The following DIO2 variants were observed in gnomAD, a reference collection of about 807,000 sequenced individuals.
The protein encoded by DIO2 is type II iodothyronine deiodinase.
Under a neutral mutation model 21.4 loss-of-function variants are expected in DIO2, and 19 were observed. The ratio of observed to expected loss-of-function variants is 0.89; its 90% CI spans 0.62 to 1.30. The LOEUF (loss-of-function observed/expected upper bound fraction) is 1.30, where lower values mean the gene tolerates loss of function less well. DIO2 is among the 50% of genes most tolerant of loss of function. The probability of loss-of-function intolerance (pLI) is 0.00; values close to 1 mark genes in which losing one functional copy is unlikely to be tolerated. For missense variants in DIO2, 302 were observed against 338.1 expected (o/e 0.89, Z 0.84); for synonymous variants, 122 against 132.9 (o/e 0.92, Z 0.57).
intron 2 of DIO2, among the ~76,000 whole-genome samples, chr14:80,225,427 G>C (rs953302872): frequency 6.6e-6 from 1 of 152,200 alleles, no homozygotes; most frequent in African/African-American, 2.4e-5. Flanking sequence ...CTTAAATGCT[G>C]ATATGAGGTC....
intron 1 of DIO2, among the ~76,000 whole-genome samples, chr14:80,204,382 G>A (rs866544286): frequency 2.0e-5 from 3 of 151,956 alleles, no homozygotes; most frequent in African/African-American, 7.3e-5. Context: ...TAAAATATTG[G>A]GGCAGAAGAA....
chr14:80,210,513 G>T (rs561311196), intron 1 of DIO2, among the ~76,000 whole-genome samples: 3 of 152,138 alleles, frequency 2.0e-5, no homozygotes, highest in Non-Finnish European at 2.9e-5. Flanking sequence ...CTAGGGCAAC[G>T]TATTTTATTT....
chr14:80,217,774 C>T (rs1888387388), intron 2 of DIO2, among the ~76,000 whole-genome samples: 1 of 152,164 alleles, frequency 6.6e-6, no homozygotes, highest in Non-Finnish European at 1.5e-5. Context: ...ATTTTTGTAT[C>T]AGTAATAAGC....
chr14:80,225,510 C>G (rs575336984), intron 2 of DIO2, among the ~76,000 whole-genome samples: 1 of 152,176 alleles, frequency 6.6e-6, no homozygotes, highest in South Asian at 2.1e-4. Flanking sequence ...AGTATATACA[C>G]GCACAAACGT....
chr14:80,208,138 T>C (rs1888021566), intron 1 of DIO2, among the ~76,000 whole-genome samples: 1 of 152,224 alleles, frequency 6.6e-6, no homozygotes, highest in Non-Finnish European at 1.5e-5. Flanking sequence ...ATTGGTTGCA[T>C]GTTTTTAGTC....
intron 2 of DIO2, among the ~76,000 whole-genome samples, chr14:80,224,973 G>A (rs551596634): frequency 6.6e-6 from 1 of 152,294 alleles, no homozygotes; most frequent in African/African-American, 2.4e-5. Flanking sequence ...TGAAGAACTT[G>A]GAGTCCGATG....
At position 80,199,735 on chromosome 14, in the gene DIO2, A is replaced by G. The variant is rs191264131; in HGVS notation, c.*2954T>C. 15 of 152,776 alleles carry G rather than the reference A, an allele frequency of 9.8e-5. No homozygotes were observed. In the East Asian group the frequency reaches 2.3e-3, roughly 24 times the overall value. The allele number at this position is 152,776 out of a possible 1,614,324, so 9.5% of individuals were successfully genotyped here. On this transcript the variant is annotated 3_prime_UTR_variant, in exon 2 of 2. Coordinates refer to ENST00000438257, the MANE Select transcript of DIO2 (RefSeq NM_013989.5). ...ATTTCTTGGAAACTATTTCAATAAT[A>G]GACAAGCTAATGAAGCTTAAAAGGC...
intron 2 of DIO2, among the ~76,000 whole-genome samples, chr14:80,228,113 G>T (rs931465976): frequency 3.9e-5 from 6 of 152,350 alleles, no homozygotes; most frequent in South Asian, 2.1e-4. Flanking sequence ...TGTCATCAGT[G>T]TAATGGACCA....
chr14:80,220,862 C>T (rs1888451556), intron 2 of DIO2, among the ~76,000 whole-genome samples: 1 of 152,006 alleles, frequency 6.6e-6, no homozygotes, highest in Non-Finnish European at 1.5e-5. Context: ...TTGTATAGGC[C>T]ATCTCAAGAA....
At chr14:80,224,780 G>A (rs1594883332) in intron 2 of DIO2, among the ~76,000 whole-genome samples, 1 of 152,162 alleles carries the variant, frequency 6.6e-6, no homozygotes, top group African/African-American at 2.4e-5. Context: ...AAAGAGGAGA[G>A]TTTAGATTTC....
At chr14:80,224,509 A>T (rs1888531216) in intron 2 of DIO2, among the ~76,000 whole-genome samples, 4 of 151,202 alleles carry the variant, frequency 2.6e-5, no homozygotes, top group Admixed American at 2.6e-4. Context: ...ACACACACAC[A>T]CACACACACA....
Position 80,197,552 on chromosome 14 carries a change from A to T in DIO2, c.*5137T>A, listed in dbSNP as rs537176855. ...AGCTTTATTCTTTTATTCAAAGTTT[A>T]TTAAAATACAAGAACAAATTGTATA... On this transcript the variant is annotated 3_prime_UTR_variant, in exon 2 of 2. Coordinates refer to ENST00000438257, the MANE Select transcript of DIO2 (RefSeq NM_013989.5). The T allele has an allele frequency of 6.5e-6, 1 of 152,790 alleles. No individual in the cohort carries two copies. The highest frequency in any genetic ancestry group is 6.5e-5 in the Admixed American group (1 of 15,304). The allele number at this position is 152,790 out of a possible 1,614,324, so 9.5% of individuals were successfully genotyped here.
chr14:80,206,331 C>A (rs1416892699), intron 1 of DIO2: 3 of 1,529,326 alleles, frequency 2.0e-6, no homozygotes, highest in South Asian at 1.3e-5. Context: ...TGATGGAGGA[C>A]AATTTAGCTA....
chr14:80,202,001 A>G lies in DIO2; in HGVS notation c.*688T>C, dbSNP rs897083430. The stretch of plus-strand genomic sequence containing the variant: ...TCCTCTTTCCTAGCTTGTCAATTTC[A>G]TTTCTTTTTTACCACTCTCTCCACC... On this transcript the variant is annotated 3_prime_UTR_variant, in exon 2 of 2. Transcript: ENST00000438257. 5 of 172,730 alleles carry G rather than the reference A, an allele frequency of 2.9e-5. No homozygotes were observed. Among genetic ancestry groups the G allele is most frequent in the African/African-American group, 7.2e-5 (3 of 41,522 alleles). The allele number at this position is 172,730 out of a possible 1,614,324, so 10.7% of individuals were successfully genotyped here. A position where few individuals can be genotyped will look rare whatever the true frequency, so the allele number is the denominator to read the frequency against.
At chr14:80,216,921 A>AC (rs1232392170) in intron 2 of DIO2, among the ~76,000 whole-genome samples, 1 of 152,200 alleles carries the variant, frequency 6.6e-6, no homozygotes, top group African/African-American at 2.4e-5. Flanking sequence ...CTTTTTTAAA[A>AC]AGTCACTTAT....
In DIO2 at chr14:80,200,623, T is replaced by A. The variant is rs529977758; in HGVS notation, c.*2066A>T. 1 of 152,344 alleles carries A rather than the reference T, an allele frequency of 6.6e-6. No individual in the cohort carries two copies. The highest frequency in any genetic ancestry group is 1.9e-4 in the East Asian group (1 of 5,190). The allele number at this position is 152,344 out of a possible 1,614,324, so 9.4% of individuals were successfully genotyped here. A position where few individuals can be genotyped will look rare whatever the true frequency, so the allele number is the denominator to read the frequency against. ...AGCCTTGAATGTAGAAGTTAACAAC[T>A]GAGGAATCTGAAATAATTATTCTCA... is the stretch of plus-strand genomic sequence containing the variant. On this transcript the variant is annotated 3_prime_UTR_variant, in exon 2 of 2. Transcript: ENST00000438257.
intron 1 of DIO2, 150 bp downstream of exon 1, chr14:80,211,101 G>T (rs1014214013): frequency 6.0e-6 from 4 of 661,608 alleles, no homozygotes; most frequent in Non-Finnish European, 1.0e-5. Context: ...TGTGCAACAG[G>T]TGTGGAAAGT....
In DIO2 at chr14:80,198,057, C is replaced by T. The variant is rs557076103; in HGVS notation, c.*4632G>A. ...AACCACGCTGACCAGTGACATGGGC[C>T]TGGAGAAGTCTTGAGAGAATTTTCT... On this transcript the variant is annotated 3_prime_UTR_variant, in exon 2 of 2. Transcript: ENST00000438257. 7 of 152,732 alleles carry T rather than the reference C, an allele frequency of 4.6e-5. No homozygotes were observed. The highest frequency in any genetic ancestry group is 4.6e-4 in the Admixed American group (7 of 15,296). The allele number at this position is 152,732 out of a possible 1,614,324, so 9.5% of individuals were successfully genotyped here.
intron 1 of DIO2, among the ~76,000 whole-genome samples, chr14:80,204,364 C>T (rs1204675450): frequency 1.3e-5 from 2 of 152,170 alleles, no homozygotes; most frequent in East Asian, 3.9e-4. Context: ...ACAAGCTCCT[C>T]TGAATTATAA....
Sources: allele counts gnomAD v4.1 joint callset (sites outside exome capture counted in the v4.1 genomes callset), GRCh38; gene constraint gnomAD v4.1.1; transcripts MANE v1.5; gene names NCBI Gene and HGNC (gene_info 2026-07-23, HGNC 2026-07-21).